The following WWOX variants were observed in gnomAD, a reference collection of about 807,000 sequenced individuals.
The protein encoded by WWOX is WW domain-containing oxidoreductase.
In WWOX, 69 loss-of-function variants were observed where a neutral mutation model predicts 46.2. The ratio of observed to expected loss-of-function variants is 1.49; its 90% confidence interval spans 1.23 to 1.82. The LOEUF is 1.82. Among genes scored for constraint, WWOX ranks in the 40% most tolerant of loss-of-function variants. WWOX has a pLI of 0.00. For missense variants in WWOX, 919 were observed against 542.6 expected (o/e 1.69, Z -6.89); for synonymous variants, 359 against 202.6 (o/e 1.77, Z -6.56).
chr16:78,236,290 A>C (rs1238123259), intron 5 of WWOX, among the ~76,000 whole-genome samples: 1 of 152,268 alleles, frequency 6.6e-6, no homozygotes, highest in East Asian at 1.9e-4. Context: ...AAGTCTCAGC[A>C]AATGCTAGTT....
intron 7 of WWOX, among the ~76,000 whole-genome samples, chr16:78,425,885 T>G (rs1597217420): frequency 6.6e-6 from 1 of 152,070 alleles, no homozygotes; most frequent in African/African-American, 2.4e-5. Context: ...CTCCTTCTTC[T>G]CCGTCTTAAG....
chr16:78,539,060 C>A (rs542650186), intron 8 of WWOX, among the ~76,000 whole-genome samples: 2 of 152,202 alleles, frequency 1.3e-5, no homozygotes, highest in Admixed American at 1.3e-4. Flanking sequence ...TGGCAGCAGT[C>A]ACAATTTTGT....
At chr16:78,547,127 GAAAAAAAAAAA>G (rs199726097) in intron 8 of WWOX, among the ~76,000 whole-genome samples, 40 of 87,506 alleles carry the variant, frequency 4.6e-4, no homozygotes, top group Non-Finnish European at 5.6e-4. Flanking sequence ...CCTTGTCTCA[GAAAAAAAAAAA>G]AAAAAAAAAA....
intron 8 of WWOX, among the ~76,000 whole-genome samples, chr16:78,740,661 G>T (rs1217388664): frequency 6.6e-6 from 1 of 152,072 alleles, no homozygotes; most frequent in Non-Finnish European, 1.5e-5. Context: ...TTGGCAAAAA[G>T]GTTAATGTGT....
intron 8 of WWOX, among the ~76,000 whole-genome samples, chr16:78,982,470 G>T (rs118079100): frequency 2.9e-3 from 438 of 152,352 alleles, no homozygotes; most frequent in Non-Finnish European, 3.2e-3. Context: ...CTGGTCTGCA[G>T]ACAGACTTGT....
intron 8 of WWOX, among the ~76,000 whole-genome samples, chr16:78,868,747 C>G (rs1372324952): frequency 6.6e-6 from 1 of 152,174 alleles, no homozygotes; most frequent in Non-Finnish European, 1.5e-5. Context: ...CTCTGGCTCA[C>G]TATATATGTC....
chr16:78,724,629 C>T (rs1392825291), intron 8 of WWOX, among the ~76,000 whole-genome samples: 1 of 152,160 alleles, frequency 6.6e-6, no homozygotes, highest in East Asian at 1.9e-4. Context: ...CAAGAATCCC[C>T]AGAGCTGGGA....
chr16:78,434,348 C>A (rs1228627203), intron 8 of WWOX, among the ~76,000 whole-genome samples: 1 of 152,192 alleles, frequency 6.6e-6, no homozygotes, highest in Admixed American at 6.5e-5. Flanking sequence ...GTTTTGAAAT[C>A]TCCCCATCAC....
chr16:79,014,879 C>T (rs2047381816), intron 8 of WWOX, among the ~76,000 whole-genome samples: 2 of 152,206 alleles, frequency 1.3e-5, no homozygotes, highest in African/African-American at 2.4e-5. Context: ...TGAGCATCAG[C>T]TGTTTCAATG....
chr16:78,603,244 T>G (rs963786618), intron 8 of WWOX, among the ~76,000 whole-genome samples: 5 of 152,182 alleles, frequency 3.3e-5, no homozygotes, highest in Admixed American at 2.6e-4. Context: ...AGGCATTGGA[T>G]GCTCATAGTT....
At position 78,593,726 on chromosome 16, in the gene WWOX, TA is replaced by T. The variant is rs34397683; in HGVS notation, c.1056+160985del. 1.8e-3 allele frequency among the ~76,000 whole-genome samples: 167 copies of T among 92,612 alleles called. 2 individuals are homozygous for T. The highest frequency in any genetic ancestry group is 9.9e-3 in the South Asian group (20 of 2,020). 60.8% of individuals were successfully genotyped at this position (92,612 alleles called of 152,430 possible). ...ACAGAGGAAAACTGCCTGTTGTAGTTAAAAAAAAAAAGAGAGAGAGAGAGAG... is the reference window on the plus strand; with the variant it reads ...ACAGAGGAAAACTGCCTGTTGTAGTTAAAAAAAAAAGAGAGAGAGAGAGAG... On this transcript the variant is annotated intron_variant, in intron 8 of 8. Coordinates refer to ENST00000566780, the MANE Select transcript of WWOX (RefSeq NM_016373.4).
At chr16:78,172,531 G>C (rs527262271) in intron 5 of WWOX, among the ~76,000 whole-genome samples, 3 of 151,010 alleles carry the variant, frequency 2.0e-5, no homozygotes, top group African/African-American at 7.3e-5. Context: ...TGAAAATTTT[G>C]CACCGACTTA....
At chr16:78,303,322 G>A (rs376375733) in intron 5 of WWOX, among the ~76,000 whole-genome samples, 22 of 152,210 alleles carry the variant, frequency 1.4e-4, no homozygotes, top group African/African-American at 4.6e-4. Context: ...TCTCATTGTG[G>A]TCTTTTTAAT....
chr16:78,222,560 G>C (rs910072552), intron 5 of WWOX, among the ~76,000 whole-genome samples: 28 of 152,092 alleles, frequency 1.8e-4, no homozygotes, highest in Non-Finnish European at 2.9e-4. Context: ...GTTAACTTTA[G>C]GCACAGCGCT....
chr16:78,635,143 C>G (rs925068847), intron 8 of WWOX, among the ~76,000 whole-genome samples: 1 of 152,188 alleles, frequency 6.6e-6, no homozygotes, highest in South Asian at 2.1e-4. Context: ...AATGCCAAAA[C>G]TGTACCTCTT....
At chr16:78,217,107 T>G (rs2151794229) in intron 5 of WWOX, among the ~76,000 whole-genome samples, 1 of 152,336 alleles carries the variant, frequency 6.6e-6, no homozygotes, top group East Asian at 1.9e-4. Flanking sequence ...GTCTACCATA[T>G]TCACGGGTTT....
intron 8 of WWOX, among the ~76,000 whole-genome samples, chr16:78,761,169 T>A (rs185849896): frequency 1.2e-4 from 19 of 152,192 alleles, no homozygotes; most frequent in Non-Finnish European, 1.9e-4. Context: ...TGTGTTCTTA[T>A]AAGAACTATT....
At chr16:78,794,144 G>C (rs1302045864) in intron 8 of WWOX, among the ~76,000 whole-genome samples, 2 of 152,058 alleles carry the variant, frequency 1.3e-5, no homozygotes, top group Non-Finnish European at 2.9e-5. Flanking sequence ...TTGCATGAGT[G>C]CCCTTATAAA....
At chr16:79,160,868 A>G (rs538070735) in intron 8 of WWOX, among the ~76,000 whole-genome samples, 1 of 134,366 alleles carries the variant, frequency 7.4e-6, no homozygotes. Flanking sequence ...GCACACATAC[A>G]TAAATTGTGT....
Sources: gnomAD v4.1 joint callset for allele counts (sites outside exome capture counted in the v4.1 genomes callset) on GRCh38, gnomAD v4.1.1 for gene constraint, MANE v1.5 for transcripts, NCBI Gene and HGNC (gene_info 2026-07-23, HGNC 2026-07-21) for gene names.